TNFSF4: variants seen among roughly 807,000 people sequenced by gnomAD.
TNFSF4 encodes tumor necrosis factor ligand superfamily member 4.
TNFSF4 carries 4 observed loss-of-function variants against 7.3 expected under a neutral mutation model. The observed-to-expected ratio is 0.55, with a 90% CI of 0.27 to 1.25. The LOEUF is 1.25. Among genes scored for constraint, TNFSF4 ranks in the 50% most tolerant of loss-of-function variants. TNFSF4 has a pLI of 0.12. For synonymous variants in TNFSF4, 76 were observed against 83.7 expected (o/e 0.91, Z 0.50); for missense variants, 181 against 208.8 (o/e 0.87, Z 0.82).
At chr1:173,404,671 C>T in the TNFSF4 span, among the ~76,000 whole-genome samples, 10 of 150,334 alleles carry the variant, frequency 6.7e-5, no homozygotes, top group East Asian at 5.9e-4. Flanking sequence ...CTTGCTCTGT[C>T]GCCAGGCTGG....
the TNFSF4 span, among the ~76,000 whole-genome samples, chr1:173,244,208 T>C: frequency 6.6e-6 from 1 of 152,272 alleles, no homozygotes; most frequent in East Asian, 1.9e-4. Context: ...ATGAAATAGA[T>C]TATGTATTAT....
the TNFSF4 span, among the ~76,000 whole-genome samples, chr1:173,401,946 T>C: frequency 6.6e-6 from 1 of 152,244 alleles, no homozygotes; most frequent in Non-Finnish European, 1.5e-5. Flanking sequence ...TGCCTTGTTA[T>C]GTGGCCAGTG....
the TNFSF4 span, among the ~76,000 whole-genome samples, chr1:173,369,446 T>C: frequency 0.059 from 9,046 of 152,278 alleles, 914 homozygotes; most frequent in African/African-American, 0.2. Flanking sequence ...CAGTCCTCTT[T>C]GTGGTCTAGG....
chr1:173,347,384 G>A, the TNFSF4 span, among the ~76,000 whole-genome samples: 3 of 152,142 alleles, frequency 2.0e-5, no homozygotes, highest in Admixed American at 6.5e-5. Flanking sequence ...TCTGGCACCA[G>A]GGCAAATTTC....
chr1:173,355,108 G>A, the TNFSF4 span, among the ~76,000 whole-genome samples: 1 of 152,136 alleles, frequency 6.6e-6, no homozygotes, highest in Non-Finnish European at 1.5e-5. Flanking sequence ...CTTGGCTCAT[G>A]CTCTCCCACC....
At chr1:173,280,122 C>G in the TNFSF4 span, among the ~76,000 whole-genome samples, 1 of 152,034 alleles carries the variant, frequency 6.6e-6, no homozygotes, top group Admixed American at 6.6e-5. Context: ...ATACATCCTT[C>G]CAAATTTAAA....
At chr1:173,376,940 G>A in the TNFSF4 span, among the ~76,000 whole-genome samples, 1 of 152,000 alleles carries the variant, frequency 6.6e-6, no homozygotes, top group Non-Finnish European at 1.5e-5. Flanking sequence ...AACTCCGGAC[G>A]CACCACTTTT....
chr1:173,361,723 T>C, the TNFSF4 span, among the ~76,000 whole-genome samples: 582 of 152,332 alleles, frequency 3.8e-3, 5 homozygotes, highest in African/African-American at 0.012. Context: ...AGAGCACTGA[T>C]TCTCACTTTC....
At chr1:173,212,297 G>A (rs551739197), upstream of TNFSF4, among the ~76,000 whole-genome samples, 1 of 152,130 alleles carries the variant, frequency 6.6e-6, no homozygotes, top group South Asian at 2.1e-4. Flanking sequence ...GCTTGGAGGG[G>A]ACAAACATCG....
chr1:173,294,568 C>G, the TNFSF4 span, among the ~76,000 whole-genome samples: 1 of 151,980 alleles, frequency 6.6e-6, no homozygotes, highest in Non-Finnish European at 1.5e-5. Context: ...AATAAACCTG[C>G]AGGTGTACCC....
At chr1:173,434,350 A>T in the TNFSF4 span, among the ~76,000 whole-genome samples, 1 of 152,230 alleles carries the variant, frequency 6.6e-6, no homozygotes, top group African/African-American at 2.4e-5. Flanking sequence ...TTTATCCTAA[A>T]GCATTTTCTA....
At chr1:173,172,916 C>T in the TNFSF4 span, among the ~76,000 whole-genome samples, 3 of 152,270 alleles carry the variant, frequency 2.0e-5, no homozygotes, top group East Asian at 5.8e-4. Flanking sequence ...TTCTGCAGGG[C>T]TGGGAAGGCC....
chr1:173,418,946 C>G, the TNFSF4 span, among the ~76,000 whole-genome samples: 1 of 152,214 alleles, frequency 6.6e-6, no homozygotes, highest in Non-Finnish European at 1.5e-5. Flanking sequence ...ATTCACATAT[C>G]GATGACATTT....
At chr1:173,329,700 G>C in the TNFSF4 span, among the ~76,000 whole-genome samples, 2 of 152,038 alleles carry the variant, frequency 1.3e-5, no homozygotes, top group Non-Finnish European at 2.9e-5. Flanking sequence ...CAATTATTGA[G>C]ACCCAATAAA....
At chr1:173,361,202 T>A in the TNFSF4 span, among the ~76,000 whole-genome samples, 1 of 152,228 alleles carries the variant, frequency 6.6e-6, no homozygotes, top group South Asian at 2.1e-4. Flanking sequence ...TCCAGATGAC[T>A]GCAGGGCTTT....
chr1:173,398,952 A>G, the TNFSF4 span, among the ~76,000 whole-genome samples: 9 of 152,282 alleles, frequency 5.9e-5, no homozygotes, highest in Admixed American at 4.6e-4. Context: ...TCCTGCACAG[A>G]TAACTTCTGT....
chr1:173,385,370 A>C, the TNFSF4 span, among the ~76,000 whole-genome samples: 1 of 152,238 alleles, frequency 6.6e-6, no homozygotes, highest in Non-Finnish European at 1.5e-5. Context: ...AACTATAAGA[A>C]ATATTATTCA....
chr1:173,188,831 G>C (rs532322537), intron 1 of TNFSF4, among the ~76,000 whole-genome samples: 87 of 152,220 alleles, frequency 5.7e-4, no homozygotes, highest in Non-Finnish European at 5.9e-5. Context: ...CCCCACCTCA[G>C]CCTCCTGAGT....
the TNFSF4 span, chr1:173,175,065 T>A: frequency 6.6e-6 from 1 of 152,220 alleles, no homozygotes; most frequent in Non-Finnish European, 1.5e-5. Context: ...TTTCTACAAG[T>A]GGTAATTAAA....
Sources: allele counts gnomAD v4.1 joint callset (sites outside exome capture counted in the v4.1 genomes callset), GRCh38; gene constraint gnomAD v4.1.1; transcripts MANE v1.5; gene names NCBI Gene and HGNC (gene_info 2026-07-23, HGNC 2026-07-21).